The following GGN variants were observed in gnomAD, a reference collection of about 807,000 sequenced individuals.
The protein encoded by GGN is gametogenetin.
A neutral mutation model predicts 35.5 loss-of-function variants in GGN; 27 were observed. The observed-to-expected ratio is 0.76, with a 90% CI of 0.56 to 1.05. The LOEUF is 1.05. Ranked by LOEUF, GGN falls within the 50% of genes least tolerant of loss-of-function variation. GGN has a pLI of 0.00. For synonymous variants in GGN, 425 were observed against 444.1 expected, an observed-to-expected ratio of 0.96 and a Z score of 0.54; for missense variants, 1,006 against 940.7, an observed-to-expected ratio of 1.07 and a Z score of -0.91.
intron 3 of GGN, 136 bp downstream of exon 3, chr19:38,385,285 G>A: frequency 8.4e-7 from 1 of 1,192,076 alleles, no homozygotes; most frequent in Non-Finnish European, 1.2e-6. Flanking sequence ...CCTGAAGGGT[G>A]GGAGCTCAGC....
Position 38,386,764 on chromosome 19 carries a change from C to T in GGN, c.498G>A (p.Pro166=), listed in dbSNP as rs1193277495. 1.9e-6 allele frequency: 3 copies of T among 1,610,104 alleles called. No individual in the cohort carries two copies. The highest frequency in any genetic ancestry group is 2.5e-6 in the Non-Finnish European group (3 of 1,177,550). The change falls in exon 3 of 4, where the codon CCG becomes CCA. Residue 166 remains proline (P), a synonymous_variant. Coordinates refer to ENST00000334928, the MANE Select transcript of GGN (RefSeq NM_152657.4). The part of the protein sequence containing the change: ...TVPRAPSQFP[P]PLETWKPPPP... ...GTGGCGGCTTCCAAGTCTCCAGGGG[C>T]GGCGGAAATTGGGATGGGGCCCTCG...
Position 38,385,950 on chromosome 19 carries a change from G to T in GGN, c.1312C>A (p.Pro438Thr), listed in dbSNP as rs371001555. The T allele has an allele frequency of 6.3e-7, 1 of 1,597,672 alleles. No individual in the cohort carries two copies. The highest frequency in any genetic ancestry group is 8.5e-7 in the Non-Finnish European group (1 of 1,173,040). Residue 438 changes from proline (P) to threonine (T), a missense_variant, in exon 3 of 4, where the codon CCA becomes ACA. By Grantham distance (38) the Pro-to-Thr change is conservative (BLOSUM62 -1). Coordinates refer to ENST00000334928, the MANE Select transcript of GGN (RefSeq NM_152657.4). ...RPGPPGLQEL[P>T]PLPPPTPPPT... ...GGCGGTGTGGGCGGTGGCAGCGGTG[G>T]TAACTCCTGCAGGCCTGGAGGCCCC...
At chr19:38,385,307 T>C in intron 3 of GGN, 114 bp downstream of exon 3, 2 of 1,389,846 alleles carry the variant, frequency 1.4e-6, no homozygotes, top group Admixed American at 4.1e-5. Context: ...AGGTTTGAGA[T>C]GTGGCAGAGA....
chr19:38,386,899 C>T lies in GGN; in HGVS notation c.363G>A (p.Arg121=). The T allele has an allele frequency of 6.4e-7, 1 of 1,566,076 alleles. No homozygotes were observed. The highest frequency in any genetic ancestry group is 8.6e-7 in the Non-Finnish European group (1 of 1,156,472). Residue 121 remains arginine (R), a synonymous_variant, in exon 3 of 4, where the codon CGG becomes CGA. Transcript: ENST00000334928. Reference sequence around the variant, plus strand: ...GGCTCGCCTCCAGCAGGCGGCGGATCCGGGGAACTGGAGTGCCCGCGGGCT... The same window carrying T: ...GGCTCGCCTCCAGCAGGCGGCGGATTCGGGGAACTGGAGTGCCCGCGGGCT... ...WQKPAGTPVP[R]IRRLLEASHR...
Position 38,387,323 on chromosome 19 carries a change from G to A in GGN, c.-19-43C>T. The A allele has an allele frequency of 1.3e-6, 2 of 1,503,182 alleles. No individual in the cohort carries two copies. The highest frequency in any genetic ancestry group is 1.8e-6 in the Non-Finnish European group (2 of 1,128,556). 93.1% of individuals were successfully genotyped at this position (1,503,182 alleles called of 1,614,324 possible). A position where few individuals can be genotyped will look rare whatever the true frequency, so the allele number is the denominator to read the frequency against. On this transcript the variant is annotated intron_variant, in intron 2 of 3. Coordinates refer to ENST00000334928, the MANE Select transcript of GGN (RefSeq NM_152657.4). The surrounding 1 kb of genome is among the most constrained non-coding windows in gnomAD (Gnocchi z 5.3). The stretch of plus-strand genomic sequence containing the variant: ...CTCCAGTCAGCCTGCCAGGGCCGTG[G>A]GGACCCTACGAGGCTGGCTGTACTT...
chr19:38,387,195 C>A lies in GGN; in HGVS notation c.67G>T (p.Ala23Ser). 1.3e-6 allele frequency: 2 copies of A among 1,592,662 alleles called. No individual in the cohort carries two copies. Among genetic ancestry groups the A allele is most frequent in the South Asian group, 2.3e-5 (2 of 87,948 alleles). ...GSRKVQPSDR[A>S]PDSRRTSLVE... The stretch of plus-strand genomic sequence containing the variant: ...AGGGACGTCCGGCGGGAGTCGGGGG[C>A]GCGGTCCGAGGGCTGCACTTTTCGG... The change falls in exon 3 of 4, where the codon GCC (alanine) becomes TCC (serine). Residue 23 changes from alanine to serine, a missense_variant. Coordinates refer to ENST00000334928, the MANE Select transcript of GGN (RefSeq NM_152657.4). This position sits in a 1 kb window ranked among gnomAD's most constrained non-coding sequence, Gnocchi z 5.3.
chr19:38,386,159 C>T lies in GGN; in HGVS notation c.1103G>A (p.Gly368Glu). 1 of 1,591,514 alleles carries T rather than the reference C, an allele frequency of 6.3e-7. No homozygotes were observed. Among genetic ancestry groups the T allele is most frequent in the Non-Finnish European group, 8.5e-7 (1 of 1,173,818 alleles). Reference sequence around the variant, plus strand: ...CGGCGCCCCGATGCCTCCGCCAGCCCCGTTGAAGCGGAAGTGGCGTTCAGG... The same window carrying T: ...CGGCGCCCCGATGCCTCCGCCAGCCTCGTTGAAGCGGAAGTGGCGTTCAGG... ...DGPERHFRFN[G>E]AGGGIGAPRR... The change falls in exon 3 of 4, where the codon GGG (glycine) becomes GAG (glutamate). Residue 368 changes from glycine to glutamate, a missense_variant. Coordinates refer to ENST00000334928, the MANE Select transcript of GGN (RefSeq NM_152657.4).
Position 38,387,090 on chromosome 19 carries a change from G to A in GGN, c.172C>T (p.Pro58Ser), listed in dbSNP as rs769199866. 6.4e-7 allele frequency: 1 copy of A among 1,559,240 alleles called. No individual in the cohort carries two copies. Among genetic ancestry groups the A allele is most frequent in the South Asian group, 1.2e-5 (1 of 84,954 alleles). ...GGCTCCCGGGGTACCATGAGTCCCG[G>A]GGGTGTGGCGCTGCCAGGGAACCAG... ...GVWFPGSATP[P>S]GLMVPREPQA... is the part of the protein sequence containing the mutation. The change falls in exon 3 of 4, where the codon CCG (proline) becomes TCG (serine). Residue 58 changes from proline (P) to serine (S), a missense_variant. Coordinates refer to ENST00000334928, the MANE Select transcript of GGN (RefSeq NM_152657.4). The surrounding 1 kb of genome is among the most constrained non-coding windows in gnomAD (Gnocchi z 5.3).
chr19:38,387,011 A>T lies in GGN; in HGVS notation c.251T>A (p.Met84Lys). ...CGCGGCCGCCTCTTCAGGAGGGGGC[A>T]TCACTGGAGAGGGCCGTTCTAAGGT... The part of the protein sequence containing the change: ...PLTLERPSPV[M>K]PPPEEAAAVS... The change falls in exon 3 of 4, where the codon ATG becomes AAG. Residue 84 changes from methionine (M) to lysine (K), a missense_variant. Transcript: ENST00000334928. This position sits in a 1 kb window ranked among gnomAD's most constrained non-coding sequence, Gnocchi z 5.3. 6.5e-7 allele frequency: 1 copy of T among 1,542,104 alleles called. No individual in the cohort carries two copies. The highest frequency in any genetic ancestry group is 1.4e-5 in the African/African-American group (1 of 73,124).
chr19:38,385,282 G>A (rs1970688768), intron 3 of GGN, 139 bp downstream of exon 3: 2 of 1,173,208 alleles, frequency 1.7e-6, no homozygotes, highest in Non-Finnish European at 2.4e-6. Flanking sequence ...GGTCCTGAAG[G>A]GTGGGAGCTC....
Position 38,385,774 on chromosome 19 carries a change from T to TG in GGN, c.1487dup (p.Ser497IlefsTer10). 1 of 1,571,848 alleles carries TG rather than the reference T, an allele frequency of 6.4e-7. No individual in the cohort carries two copies. Among genetic ancestry groups the TG allele is most frequent in the Non-Finnish European group, 8.6e-7 (1 of 1,163,298 alleles). On this transcript the variant is annotated frameshift_variant, in exon 3 of 4. Coordinates refer to ENST00000334928, the MANE Select transcript of GGN (RefSeq NM_152657.4). LOFTEE classifies it high-confidence loss of function. ...CCACGGTGGGAGCTGGAGCCGGGGATGGGGCCGGGGCCTGGTCGGCGGCTA... is the reference window on the plus strand; with the variant it reads ...CCACGGTGGGAGCTGGAGCCGGGGATGGGGGCCGGGGCCTGGTCGGCGGCTA...
In GGN at chr19:38,385,684, G is replaced by A. The variant is rs1363485740; in HGVS notation, c.1578C>T (p.Arg526=). 1.2e-6 allele frequency: 2 copies of A among 1,613,494 alleles called. No homozygotes were observed. Among genetic ancestry groups the A allele is most frequent in the African/African-American group, 2.7e-5 (2 of 75,046 alleles). Residue 526 remains arginine, a synonymous_variant, in exon 3 of 4, where the codon CGC becomes CGT. Transcript: ENST00000334928. ...PAAAPIKTRT[R]RNKGSRAARG... is the part of the protein sequence containing the mutation. Reference sequence around the variant, plus strand: ...GGGCTGCACGGGAACCCTTGTTCCTGCGCGTGCGGGTCTTGATGGGCGCAG... The same window carrying A: ...GGGCTGCACGGGAACCCTTGTTCCTACGCGTGCGGGTCTTGATGGGCGCAG...
chr19:38,384,365 T>G lies in GGN; in HGVS notation c.*47A>C, dbSNP rs1293739342. 7.2e-7 allele frequency: 1 copy of G among 1,395,228 alleles called. No individual in the cohort carries two copies. Among genetic ancestry groups the G allele is most frequent in the South Asian group, 1.2e-5 (1 of 85,650 alleles). 86.4% of individuals were successfully genotyped at this position (1,395,228 alleles called of 1,614,324 possible). On this transcript the variant is annotated 3_prime_UTR_variant, in exon 4 of 4. Transcript: ENST00000334928. ...AGGCTGCTGGCATCTGGATTGGTTA[T>G]TTTATTGGCATGGAGGGGAAGGTGG...
chr19:38,386,043 C>A lies in GGN; in HGVS notation c.1219G>T (p.Ala407Ser). The change falls in exon 3 of 4, where the codon GCA becomes TCA. Residue 407 changes from alanine (A) to serine (S), a missense_variant. By Grantham distance (99) the Ala-to-Ser change is moderately conservative (BLOSUM62 1). Coordinates refer to ENST00000334928, the MANE Select transcript of GGN (RefSeq NM_152657.4). ...IHSAPGPRRPAPALLAPPTFI... is the reference protein window; with the variant it reads ...IHSAPGPRRPSPALLAPPTFI... ...GTAGGCGGCGCCAGCAGGGCAGGTG[C>A]GGGCCTCCGGGGCCCGGGAGCTGAG... The A allele has an allele frequency of 6.3e-7, 1 of 1,597,970 alleles. No individual in the cohort carries two copies. The highest frequency in any genetic ancestry group is 8.5e-7 in the Non-Finnish European group (1 of 1,173,076).
chr19:38,385,299 G>T, intron 3 of GGN, 122 bp downstream of exon 3: 3 of 1,343,878 alleles, frequency 2.2e-6, no homozygotes, highest in Non-Finnish European at 3.1e-6. Flanking sequence ...GCTCAGCTAG[G>T]TTTGAGATGT....
chr19:38,386,076 G>A lies in GGN; in HGVS notation c.1186C>T (p.Gln396Ter), dbSNP rs747867239. 6.3e-7 allele frequency: 1 copy of A among 1,589,180 alleles called. No individual in the cohort carries two copies. The highest frequency in any genetic ancestry group is 8.6e-7 in the Non-Finnish European group (1 of 1,169,458). Residue 396 changes from glutamine (Q) to a stop codon, truncating the protein, a stop_gained, in exon 3 of 4, where the codon CAG becomes TAG. Coordinates refer to ENST00000334928, the MANE Select transcript of GGN (RefSeq NM_152657.4). LOFTEE classifies it high-confidence loss of function. ...PWGSPPPPPE[Q>*]IHSAPGPRRP... Reference sequence around the variant, plus strand: ...CGGGGCCCGGGAGCTGAGTGTATCTGCTCTGGTGGTGGCGGAGGGGAGCCC... The same window carrying A: ...CGGGGCCCGGGAGCTGAGTGTATCTACTCTGGTGGTGGCGGAGGGGAGCCC...
rs1257986928 is a variant in GGN at position 38,387,093 on chromosome 19, G to A, written c.169C>T (p.Pro57Ser). 7.7e-6 allele frequency: 12 copies of A among 1,559,130 alleles called. No individual in the cohort carries two copies. Among genetic ancestry groups the A allele is most frequent in the African/African-American group, 1.4e-5 (1 of 73,496 alleles). ...TCCCGGGGTACCATGAGTCCCGGGG[G>A]TGTGGCGCTGCCAGGGAACCAGACA... is the stretch of plus-strand genomic sequence containing the variant. ...LGVWFPGSATPPGLMVPREPQ... is the reference protein window; with the variant it reads ...LGVWFPGSATSPGLMVPREPQ... The change falls in exon 3 of 4, where the codon CCC becomes TCC. Residue 57 changes from proline (P) to serine (S), a missense_variant. By Grantham distance (74) the Pro-to-Ser change is moderately conservative. Transcript: ENST00000334928. This position sits in a 1 kb window ranked among gnomAD's most constrained non-coding sequence, Gnocchi z 5.3.
Position 38,387,075 on chromosome 19 carries a change from G to A in GGN, c.187C>T (p.Pro63Ser), listed in dbSNP as rs540210442. ...GSATPPGLMVPREPQASPSTL... is the reference protein window; with the variant it reads ...GSATPPGLMVSREPQASPSTL... ...GAGGGTGAGGCCTGGGGCTCCCGGG[G>A]TACCATGAGTCCCGGGGGTGTGGCG... The change falls in exon 3 of 4, where the codon CCC becomes TCC. Residue 63 changes from proline to serine, a missense_variant. By Grantham distance (74) the Pro-to-Ser change is moderately conservative (BLOSUM62 -1). Transcript: ENST00000334928. The surrounding 1 kb of genome is among the most constrained non-coding windows in gnomAD (Gnocchi z 5.3). The A allele has an allele frequency of 1.3e-6, 2 of 1,557,750 alleles. No homozygotes were observed. The highest frequency in any genetic ancestry group is 1.7e-6 in the Non-Finnish European group (2 of 1,150,594).
chr19:38,386,089 C>T lies in GGN; in HGVS notation c.1173G>A (p.Pro391=), dbSNP rs1184364715. The T allele has an allele frequency of 1.9e-6, 3 of 1,582,768 alleles. No individual in the cohort carries two copies. The highest frequency in any genetic ancestry group is 2.3e-5 in the East Asian group (1 of 43,782). The change falls in exon 3 of 4, where the codon CCG becomes CCA. Residue 391 remains proline, a synonymous_variant. Transcript: ENST00000334928. ...CTGAGTGTATCTGCTCTGGTGGTGG[C>T]GGAGGGGAGCCCCAAGGCCCAGAGA... ...AALSGPWGSP[P]PPPEQIHSAP...
Sources: gnomAD v4.1 joint callset for allele counts on GRCh38, gnomAD v4.1.1 for gene constraint, Gnocchi (gnomAD v3.1) non-coding constraint, MANE v1.5 for transcripts, NCBI Gene and HGNC (gene_info 2026-07-23, HGNC 2026-07-21) for gene names.